The following SLC39A11 variants were observed in gnomAD, a reference collection of about 807,000 sequenced individuals.
SLC39A11 encodes the protein solute carrier family 39 member 11, also known as zinc transporter ZIP11.
A neutral mutation model predicts 36.1 loss-of-function variants in SLC39A11; 33 were observed. The observed-to-expected ratio is 0.91, with a 90% confidence interval of 0.69 to 1.22. The LOEUF is 1.22. Among genes scored for constraint, SLC39A11 ranks in the 50% most tolerant of loss-of-function variants. The pLI, the probability that SLC39A11 is intolerant of heterozygous loss-of-function variation, is 0.00. For missense variants in SLC39A11, 432 were observed against 430.3 expected (o/e 1.00, Z -0.03); for synonymous variants, 166 against 170.3 (o/e 0.97, Z 0.20).
intron 4 of SLC39A11, among the ~76,000 whole-genome samples, chr17:72,981,274 A>G (rs1486265675): frequency 2.0e-5 from 3 of 152,148 alleles, no homozygotes; most frequent in African/African-American, 4.8e-5. Flanking sequence ...GCCCATCTCA[A>G]TCTGGACTAG....
At chr17:72,892,135 G>A (rs2081781291) in intron 5 of SLC39A11, among the ~76,000 whole-genome samples, 1 of 152,134 alleles carries the variant, frequency 6.6e-6, no homozygotes, top group Admixed American at 6.5e-5. Context: ...AGTTATTAGA[G>A]GCTGGGCGCA....
chr17:73,056,692 T>C lies in SLC39A11; in HGVS notation c.148-24978A>G, dbSNP rs144503667. 3.6e-3 allele frequency among the ~76,000 whole-genome samples: 552 copies of C among 152,118 alleles called. 1 individual carries two copies. Among genetic ancestry groups the C allele is most frequent in the African/African-American group, 0.013 (528 of 41,496 alleles). ...GCTTGGATCTGGTAGGTGGGGAAGG[T>C]TACGAGAAGACAGGGAGTCATGGGT... On this transcript the variant is annotated intron_variant, in intron 3 of 9. Transcript: ENST00000255559.
At chr17:72,776,610 GAAAAA>G (rs34044701) in intron 6 of SLC39A11, among the ~76,000 whole-genome samples, 4 of 119,854 alleles carry the variant, frequency 3.3e-5, no homozygotes, top group Admixed American at 9.1e-5. Flanking sequence ...ACTTTGCATG[GAAAAA>G]AAAAAAAAAA....
chr17:72,861,689 A>ATATATATAT (rs1410780416), intron 5 of SLC39A11, among the ~76,000 whole-genome samples: 4 of 96,660 alleles, frequency 4.1e-5, no homozygotes, highest in African/African-American at 1.2e-4. Flanking sequence ...ATATATATAT[A>ATATATATAT]AAATATATAT....
chr17:72,765,468 T>C (rs1443128968), intron 6 of SLC39A11, among the ~76,000 whole-genome samples: 2 of 152,214 alleles, frequency 1.3e-5, no homozygotes, highest in Non-Finnish European at 2.9e-5. Flanking sequence ...CGGCTCTGCA[T>C]GAATTAAACT....
chr17:72,667,977 G>A (rs1441194403), intron 7 of SLC39A11, among the ~76,000 whole-genome samples: 2 of 152,290 alleles, frequency 1.3e-5, no homozygotes, highest in Non-Finnish European at 2.9e-5. Context: ...TCCCCTGTGT[G>A]GCCATGCTGC....
intron 6 of SLC39A11, among the ~76,000 whole-genome samples, chr17:72,820,048 C>T (rs899837063): frequency 1.3e-4 from 19 of 151,166 alleles, no homozygotes; most frequent in Admixed American, 5.9e-4. Context: ...GGCTTCCTTC[C>T]GATTGACAAC....
At chr17:72,852,218 A>AAAAAAAAAAAC (rs1567824527) in intron 5 of SLC39A11, among the ~76,000 whole-genome samples, 3 of 148,668 alleles carry the variant, frequency 2.0e-5, no homozygotes, top group Non-Finnish European at 4.5e-5. Context: ...AAAAAAAAAA[A>AAAAAAAAAAAC]AAAAAAAAAA....
At chr17:72,877,061 T>A (rs2080938083) in intron 5 of SLC39A11, among the ~76,000 whole-genome samples, 1 of 152,226 alleles carries the variant, frequency 6.6e-6, no homozygotes, top group African/African-American at 2.4e-5. Context: ...GTGTCCCACC[T>A]GGGTTAGATA....
chr17:72,744,989 G>C (rs183671607), intron 6 of SLC39A11, among the ~76,000 whole-genome samples: 1 of 152,056 alleles, frequency 6.6e-6, no homozygotes, highest in African/African-American at 2.4e-5. Context: ...TTACAGGTGC[G>C]CACCACCAGG....
At chr17:72,842,407 T>C (rs778464456) in intron 6 of SLC39A11, among the ~76,000 whole-genome samples, 12 of 152,218 alleles carry the variant, frequency 7.9e-5, no homozygotes, top group Non-Finnish European at 1.2e-4. Flanking sequence ...AATGAATGAA[T>C]GTTTGAATGA....
chr17:73,028,235 C>T (rs577448993), intron 4 of SLC39A11, among the ~76,000 whole-genome samples: 1 of 152,294 alleles, frequency 6.6e-6, no homozygotes, highest in African/African-American at 2.4e-5. Flanking sequence ...ACATCCTGAA[C>T]ACAAATTCTA....
chr17:72,994,426 T>A (rs953543842), intron 4 of SLC39A11, among the ~76,000 whole-genome samples: 1 of 152,172 alleles, frequency 6.6e-6, no homozygotes, highest in African/African-American at 2.4e-5. Flanking sequence ...GAGGTAATTA[T>A]AAAAGTCAGA....
In SLC39A11 at chr17:72,822,687, G is replaced by A. The variant is rs902424255; in HGVS notation, c.601+26947C>T. ...AGAGGACAGGAGACAAAGGAAATAA[G>A]TGGCAAACACTTCCAACCCTAAACT... On this transcript the variant is annotated intron_variant, in intron 6 of 9. Transcript: ENST00000255559. Among the ~76,000 whole-genome samples, 4 of 151,046 alleles carry A rather than the reference G, an allele frequency of 2.6e-5. 1 individual carries two copies. Among genetic ancestry groups the A allele is most frequent in the Non-Finnish European group, 5.9e-5 (4 of 67,418 alleles).
At chr17:72,792,227 C>T (rs1361849284) in intron 6 of SLC39A11, among the ~76,000 whole-genome samples, 3 of 152,228 alleles carry the variant, frequency 2.0e-5, no homozygotes, top group Non-Finnish European at 4.4e-5. Context: ...AAAGGTTGCA[C>T]ACAGTGAACC....
chr17:72,844,805 G>A (rs2145916323), intron 6 of SLC39A11, among the ~76,000 whole-genome samples: 1 of 152,280 alleles, frequency 6.6e-6, no homozygotes, highest in South Asian at 2.1e-4. Context: ...AATGTCTAAT[G>A]GCAATCAAAC....
chr17:73,003,602 A>C (rs1220300717), intron 4 of SLC39A11, among the ~76,000 whole-genome samples: 1 of 152,168 alleles, frequency 6.6e-6, no homozygotes, highest in African/African-American at 2.4e-5. Flanking sequence ...CTGAGTCTAC[A>C]TGAGAAAAGG....
rs144147661 is a variant in SLC39A11 at position 72,976,909 on chromosome 17, G to A, written c.307-29034C>T. On this transcript the variant is annotated intron_variant, in intron 4 of 9. Coordinates refer to ENST00000255559, the MANE Select transcript of SLC39A11 (RefSeq NM_139177.4). ...CTGTTAGGTCTCAGGATTATATATTGTAACCAATGTTACAAAGGGACAGGA... is the reference window on the plus strand; with the variant it reads ...CTGTTAGGTCTCAGGATTATATATTATAACCAATGTTACAAAGGGACAGGA... Among the ~76,000 whole-genome samples the A allele has an allele frequency of 4.5e-3, 687 of 152,206 alleles. 2 individuals carry two copies. The highest frequency in any genetic ancestry group is 8.3e-3 in the South Asian group (40 of 4,820).
chr17:72,874,633 C>T (rs2080802673), intron 5 of SLC39A11, among the ~76,000 whole-genome samples: 1 of 152,170 alleles, frequency 6.6e-6, no homozygotes, highest in Non-Finnish European at 1.5e-5. Flanking sequence ...TGTCTCCTGT[C>T]ACCTTCAAAA....
Sources: allele counts gnomAD v4.1 joint callset (sites outside exome capture counted in the v4.1 genomes callset), GRCh38; gene constraint gnomAD v4.1.1; transcripts MANE v1.5; gene names NCBI Gene and HGNC (gene_info 2026-07-23, HGNC 2026-07-21).